Variants in ZNF831 observed in about 807,000 individuals in gnomAD.
ZNF831 encodes the protein zinc finger protein 831, also known as chromosome 20 open reading frame 174.
Under a neutral mutation model 95.8 loss-of-function variants are expected in ZNF831, and 59 were observed. The ratio of observed to expected loss-of-function variants is 0.62; its 90% CI spans 0.50 to 0.77. The LOEUF is 0.77. Ranked by LOEUF, ZNF831 falls within the 30% of genes least tolerant of loss-of-function variation. The pLI, the probability that ZNF831 is intolerant of heterozygous loss-of-function variation, is 0.00. For missense variants in ZNF831, 2,205 were observed against 2,164.0 expected (o/e 1.02, Z -0.38); for synonymous variants, 961 against 925.5 (o/e 1.04, Z -0.70).
intron 2 of ZNF831, among the ~76,000 whole-genome samples, chr20:59,152,557 C>T (rs1980308177): frequency 6.6e-6 from 1 of 152,112 alleles, no homozygotes; most frequent in South Asian, 2.1e-4. Flanking sequence ...GTACAAAGTC[C>T]CTGCTCTTTT....
chr20:59,211,512 T>G (rs951509546), intron 4 of ZNF831, among the ~76,000 whole-genome samples: 13 of 151,980 alleles, frequency 8.6e-5, no homozygotes, highest in Non-Finnish European at 1.8e-4. Flanking sequence ...AGTTGGAGGG[T>G]GGAAGAATGC....
chr20:59,242,894 G>A (rs1334557290), intron 4 of ZNF831, among the ~76,000 whole-genome samples: 7 of 152,162 alleles, frequency 4.6e-5, no homozygotes, highest in Non-Finnish European at 1.0e-4. Flanking sequence ...GACTCTCAAA[G>A]CAGATGAAGC....
chr20:59,232,884 A>G (rs1986800280), intron 4 of ZNF831, among the ~76,000 whole-genome samples: 1 of 152,116 alleles, frequency 6.6e-6, no homozygotes, highest in African/African-American at 2.4e-5. Flanking sequence ...TTGGAGCACT[A>G]CGTTTCAGAT....
chr20:59,239,004 C>T (rs1056694329), intron 4 of ZNF831, among the ~76,000 whole-genome samples: 2 of 152,068 alleles, frequency 1.3e-5, no homozygotes, highest in African/African-American at 4.8e-5. Context: ...GAATACATTC[C>T]CCCAAATAGA....
rs77181469 is a variant in ZNF831 at position 59,173,424 on chromosome 20, A to G, written c.-37+9217A>G. On this transcript the variant is annotated intron_variant, in intron 1 of 5. Coordinates refer to ENST00000371030, the MANE Select transcript of ZNF831 (RefSeq NM_178457.3). The stretch of plus-strand genomic sequence containing the variant: ...CCTCAGATCATGACTCAAGGTGGGA[A>G]TTAATGGACCTGAGCTTGTCATTTT... 6.3e-3 allele frequency among the ~76,000 whole-genome samples: 965 copies of G among 152,318 alleles called. 10 individuals are homozygous for G. Among genetic ancestry groups the G allele is most frequent in the African/African-American group, 0.022 (912 of 41,566 alleles).
intron 4 of ZNF831, among the ~76,000 whole-genome samples, chr20:59,228,068 T>C (rs1433880893): frequency 6.6e-6 from 1 of 152,192 alleles, no homozygotes; most frequent in Non-Finnish European, 1.5e-5. Flanking sequence ...ATATAACATA[T>C]GCATGTTATA....
At chr20:59,189,193 A>G (rs1170020772) in intron 1 of ZNF831, among the ~76,000 whole-genome samples, 2 of 152,112 alleles carry the variant, frequency 1.3e-5, no homozygotes, top group Non-Finnish European at 2.9e-5. Flanking sequence ...AAAAAAAATA[A>G]AAAAATAAAA....
chr20:59,126,497 T>C (rs1355503195), intron 1 of ZNF831, among the ~76,000 whole-genome samples: 1 of 152,220 alleles, frequency 6.6e-6, no homozygotes, highest in Non-Finnish European at 1.5e-5. Flanking sequence ...AGTTTGTTTC[T>C]ATCCTTTTAG....
In ZNF831 at chr20:59,192,636, A is replaced by G. The variant is rs780062540; in HGVS notation, c.1617A>G (p.Pro539=). The change falls in exon 2 of 6, where the codon CCA becomes CCG. Residue 539 remains proline (P), a synonymous_variant. Coordinates refer to ENST00000371030, the MANE Select transcript of ZNF831 (RefSeq NM_178457.3). This position sits in a 1 kb window ranked among gnomAD's most constrained non-coding sequence, Gnocchi z 5.2. ...AGCCTCTGAGCCCCAGGCCCGGCCC[A>G]GCCCGCCTGGGCTGCCGCTCGGGAC... The part of the protein sequence containing the change: ...TQKPLSPRPG[P]ARLGCRSGLS... 1.5e-4 allele frequency: 224 copies of G among 1,500,502 alleles called. No homozygotes were observed. The highest frequency in any genetic ancestry group is 2.0e-4 in the Non-Finnish European group (223 of 1,127,470). The allele number at this position is 1,500,502 out of a possible 1,614,324, so 92.9% of individuals were successfully genotyped here. A position where few individuals can be genotyped will look rare whatever the true frequency, so the allele number is the denominator to read the frequency against.
intron 4 of ZNF831, among the ~76,000 whole-genome samples, chr20:59,243,038 A>G (rs958956707): frequency 6.6e-6 from 1 of 152,230 alleles, no homozygotes; most frequent in Non-Finnish European, 1.5e-5. Flanking sequence ...AAGTACATAG[A>G]ATAGAGCTTC....
At chr20:59,128,341 T>G (rs1347557009) in intron 1 of ZNF831, among the ~76,000 whole-genome samples, 10 of 152,184 alleles carry the variant, frequency 6.6e-5, no homozygotes, top group Non-Finnish European at 1.2e-4. Context: ...TATGGAACAC[T>G]TCCTCTTCCA....
At chr20:59,225,628 G>A (rs117038860) in intron 4 of ZNF831, among the ~76,000 whole-genome samples, 3,115 of 152,328 alleles carry the variant, frequency 0.02, 29 homozygotes, top group Non-Finnish European at 0.03. Flanking sequence ...GGGGACAGGA[G>A]CAGACGATCA....
intron 3 of ZNF831, among the ~76,000 whole-genome samples, chr20:59,203,136 C>T (rs1186284857): frequency 6.6e-6 from 1 of 152,036 alleles, no homozygotes; most frequent in East Asian, 1.9e-4. Flanking sequence ...TCTTTCTTTA[C>T]TCTCAATTTC....
Position 59,179,222 on chromosome 20 carries a change from G to A in ZNF831, c.-36-11762G>A, listed in dbSNP as rs556367932. On this transcript the variant is annotated intron_variant, in intron 1 of 5. Transcript: ENST00000371030. ...TCACACATGGACAGCCTGTGAAGAC[G>A]ACTCTTTATAGAGTCCATCAATGGG... Among the ~76,000 whole-genome samples the A allele has an allele frequency of 6.6e-5, 10 of 152,284 alleles. No homozygotes were observed. The South Asian group carries it at 2.1e-3, about 32-fold the overall frequency.
At chr20:59,175,080 T>C (rs1160112805) in intron 1 of ZNF831, among the ~76,000 whole-genome samples, 1 of 152,236 alleles carries the variant, frequency 6.6e-6, no homozygotes. Context: ...TCCAAGTTTC[T>C]GATGAGAACC....
intron 1 of ZNF831, among the ~76,000 whole-genome samples, chr20:59,143,642 C>A (rs1423812648): frequency 6.6e-6 from 1 of 152,170 alleles, no homozygotes; most frequent in Non-Finnish European, 1.5e-5. Context: ...CCTTCGGGGT[C>A]CTTCTGGGGA....
intron 1 of ZNF831, among the ~76,000 whole-genome samples, chr20:59,176,313 G>T (rs1285920885): frequency 6.6e-6 from 1 of 152,238 alleles, no homozygotes; most frequent in African/African-American, 2.4e-5. Context: ...CCAGAGGCTG[G>T]AGGTGGAGGA....
intron 1 of ZNF831, among the ~76,000 whole-genome samples, chr20:59,187,043 C>A (rs968543441): frequency 2.0e-5 from 3 of 152,038 alleles, no homozygotes; most frequent in Non-Finnish European, 2.9e-5. Context: ...GCTACTGATG[C>A]TGAGGTTGGG....
intron 4 of ZNF831, among the ~76,000 whole-genome samples, chr20:59,223,999 A>G (rs997619727): frequency 2.6e-5 from 4 of 152,196 alleles, no homozygotes; most frequent in African/African-American, 9.6e-5. Flanking sequence ...CACTGGAGCC[A>G]AACACTGAAA....
Sources: gnomAD v4.1 joint callset for allele counts (sites outside exome capture counted in the v4.1 genomes callset) on GRCh38, gnomAD v4.1.1 for gene constraint, Gnocchi (gnomAD v3.1) non-coding constraint, MANE v1.5 for transcripts, NCBI Gene and HGNC (gene_info 2026-07-23, HGNC 2026-07-21) for gene names.